Variants in N4BP3 observed in about 807,000 individuals in gnomAD.
N4BP3 encodes the protein NEDD4 binding protein 3, also known as NEDD4-binding protein 3.
Under a neutral mutation model 43.8 loss-of-function variants are expected in N4BP3, and 33 were observed. The ratio of observed to expected loss-of-function variants is 0.75; its 90% confidence interval spans 0.57 to 1.01. N4BP3 has a LOEUF of 1.01. Among genes scored for constraint, N4BP3 ranks in the 50% least tolerant of loss-of-function variants. The pLI, the probability that N4BP3 is intolerant of heterozygous loss-of-function variation, is 0.00. For missense variants in N4BP3, 756 were observed against 744.2 expected, an observed-to-expected ratio of 1.02 and a Z score of -0.18; for synonymous variants, 326 against 321.9, an observed-to-expected ratio of 1.01 and a Z score of -0.14.
rs761525573 is a variant in N4BP3, at chr5:178,120,218, A to T, written c.371A>T (p.Asn124Ile). The change falls in exon 3 of 5, where the codon AAC becomes ATC. Residue 124 changes from asparagine to isoleucine, a missense_variant. Physicochemically the swap from Asn to Ile is moderately radical, Grantham distance 149. Transcript: ENST00000274605. ...RPSVFKPTAG[N>I]GKGFLSMQSL... ...TCAGTGTTCAAGCCTACGGCGGGCAACGGGAAAGGCTTCCTATCCATGCAA... is the reference window on the plus strand; with the variant it reads ...TCAGTGTTCAAGCCTACGGCGGGCATCGGGAAAGGCTTCCTATCCATGCAA... 1 of 1,592,688 alleles carries T rather than the reference A, an allele frequency of 6.3e-7. No individual in the cohort carries two copies. The highest frequency in any genetic ancestry group is 2.3e-5 in the East Asian group (1 of 44,442).
chr5:178,126,419 C>T (rs572495863), downstream of N4BP3, among the ~76,000 whole-genome samples: 4 of 152,124 alleles, frequency 2.6e-5, no homozygotes, highest in South Asian at 8.3e-4. Flanking sequence ...ACCTCGTGAT[C>T]CACCCGCCTC....
At position 178,124,746 on chromosome 5, in the gene N4BP3, T is replaced by G. The variant is rs143566790; in HGVS notation, c.*2745T>G. 1 of 152,740 alleles carries G rather than the reference T, an allele frequency of 6.5e-6. No homozygotes were observed. The highest frequency in any genetic ancestry group is 1.5e-5 in the Non-Finnish European group (1 of 68,402). 9.5% of individuals were successfully genotyped at this position (152,740 alleles called of 1,614,324 possible). On this transcript the variant is annotated 3_prime_UTR_variant, in exon 5 of 5. Transcript: ENST00000274605. ...GCCTCGAGTCACTGATAGTGGTGCC[T>G]CCTCCTTACCTTGGCAAGCCCTTGT...
At position 178,118,420 on chromosome 5, in the gene N4BP3, G is replaced by T. The variant is rs1176780477; in HGVS notation, c.-30-1134G>T. Among the ~76,000 whole-genome samples, 3 of 152,214 alleles carry T rather than the reference G, an allele frequency of 2.0e-5. No individual in the cohort carries two copies. The highest frequency in any genetic ancestry group is 4.4e-5 in the Non-Finnish European group (3 of 68,040). ...TGTGCGGAAGTCCAGGCTCACTGAG[G>T]TTAGTGGCTTGGCCGGGGTCACACA... On this transcript the variant is annotated intron_variant, in intron 1 of 4. Coordinates refer to ENST00000274605, the MANE Select transcript of N4BP3 (RefSeq NM_015111.2). This position sits in a 1 kb window ranked among gnomAD's most constrained non-coding sequence, Gnocchi z 5.4.
intron 1 of N4BP3, among the ~76,000 whole-genome samples, chr5:178,116,955 G>C (rs1199748302): frequency 6.6e-6 from 1 of 152,154 alleles, no homozygotes; most frequent in African/African-American, 2.4e-5. Flanking sequence ...GGCAGGCGGG[G>C]TCTTTCCCAC....
intron 3 of N4BP3, 140 bp from the exon 4 acceptor site, chr5:178,120,958 A>G (rs1757905108): frequency 9.5e-7 from 1 of 1,048,290 alleles, no homozygotes; most frequent in African/African-American, 1.6e-5. Context: ...CCTGGAGGGC[A>G]TCCCGGGTTA....
At chr5:178,117,103 A>G (rs1757789515) in intron 1 of N4BP3, among the ~76,000 whole-genome samples, 1 of 152,192 alleles carries the variant, frequency 6.6e-6, no homozygotes, top group South Asian at 2.1e-4. Flanking sequence ...GTGAGCCACC[A>G]TGCCTGGCCC....
rs7727932 is a variant in N4BP3 at position 178,117,638 on chromosome 5, A to G, written c.-30-1916A>G. Among the ~76,000 whole-genome samples, 920 of 108,348 alleles carry G rather than the reference A, an allele frequency of 8.5e-3. 75 individuals are homozygous for G. Among genetic ancestry groups the G allele is most frequent in the African/African-American group, 0.011 (333 of 29,730 alleles). 71.1% of individuals were successfully genotyped at this position (108,348 alleles called of 152,430 possible). A position where few individuals can be genotyped will look rare whatever the true frequency, so the allele number is the denominator to read the frequency against. ...GTCTCAAAAAAAAAAAAAAAAAAAA[A>G]GAAGGGACAATAACTCTGTCACAGG... On this transcript the variant is annotated intron_variant, in intron 1 of 4. Coordinates refer to ENST00000274605, the MANE Select transcript of N4BP3 (RefSeq NM_015111.2).
chr5:178,126,526 TTGG>T (rs939309082), downstream of N4BP3, among the ~76,000 whole-genome samples: 6 of 152,106 alleles, frequency 3.9e-5, no homozygotes, highest in East Asian at 3.9e-4. Context: ...TCCTAGGAAA[TTGG>T]TGGTGGGGCT....
At position 178,124,437 on chromosome 5, in the gene N4BP3, A is replaced by G. The variant is rs1259365080; in HGVS notation, c.*2436A>G. The G allele has an allele frequency of 1.3e-5, 2 of 152,312 alleles. No homozygotes were observed. The highest frequency in any genetic ancestry group is 2.9e-5 in the Non-Finnish European group (2 of 68,080). 9.4% of individuals were successfully genotyped at this position (152,312 alleles called of 1,614,324 possible). On this transcript the variant is annotated 3_prime_UTR_variant, in exon 5 of 5. Coordinates refer to ENST00000274605, the MANE Select transcript of N4BP3 (RefSeq NM_015111.2). Reference sequence around the variant, plus strand: ...GGCTGGGTGGCTCTGGGGCCAACCGACCACAGGTGTCACTGATCACAGGTG... The same window carrying G: ...GGCTGGGTGGCTCTGGGGCCAACCGGCCACAGGTGTCACTGATCACAGGTG...
chr5:178,121,326 C>T lies in N4BP3; in HGVS notation c.1081C>T (p.Arg361Ter). 6.2e-7 allele frequency: 1 copy of T among 1,602,242 alleles called. No homozygotes were observed. Among genetic ancestry groups the T allele is most frequent in the Non-Finnish European group, 8.5e-7 (1 of 1,172,954 alleles). Reference protein sequence around the residue: ...GTLPEADPSARPEEEARWEVC... With the variant: ...GTLPEADPSA ...CCTCCCAGAGGCTGACCCCAGTGCA[C>T]GACCAGAGGAGGAAGCCCGATGGGA... Residue 361 changes from arginine to a stop codon, truncating the protein, a stop_gained, in exon 4 of 5, where the codon CGA (arginine) becomes TGA (stop). Transcript: ENST00000274605. LOFTEE classifies it high-confidence loss of function.
chr5:178,119,799 C>A lies in N4BP3; in HGVS notation c.216C>A (p.Thr72=). 1 of 1,613,474 alleles carries A rather than the reference C, an allele frequency of 6.2e-7. No individual in the cohort carries two copies. The highest frequency in any genetic ancestry group is 8.5e-7 in the Non-Finnish European group (1 of 1,180,032). Residue 72 remains threonine (T), a synonymous_variant, in exon 2 of 5, where the codon ACC becomes ACA. Coordinates refer to ENST00000274605, the MANE Select transcript of N4BP3 (RefSeq NM_015111.2). ...PKKDSKSTKN[T]KRAPRNEPAD... is the part of the protein sequence containing the mutation. ...AGGACAGCAAGAGCACCAAGAACAC[C>A]AAGCGGGCCCCTCGGAACGAGCCTG...
chr5:178,118,201 G>A lies in N4BP3; in HGVS notation c.-30-1353G>A, dbSNP rs1357969041. On this transcript the variant is annotated intron_variant, in intron 1 of 4. Transcript: ENST00000274605. This position sits in a 1 kb window ranked among gnomAD's most constrained non-coding sequence, Gnocchi z 5.4. ...TAGGTACCAGCCCTGCCTCCAGAGTGTGTGGCCCAGCACAGGTGGAAGGTG... is the reference window on the plus strand; with the variant it reads ...TAGGTACCAGCCCTGCCTCCAGAGTATGTGGCCCAGCACAGGTGGAAGGTG... 4.6e-5 allele frequency among the ~76,000 whole-genome samples: 7 copies of A among 152,354 alleles called. No homozygotes were observed. The East Asian group carries it at 1.2e-3, about 25-fold the overall frequency.
intron 1 of N4BP3, among the ~76,000 whole-genome samples, chr5:178,115,769 G>A (rs1235331254): frequency 1.4e-4 from 22 of 152,182 alleles, no homozygotes; most frequent in Admixed American, 1.3e-3. Context: ...AAGAAAGCGC[G>A]TCCTCTCCTT....
At position 178,123,146 on chromosome 5, in the gene N4BP3, C is replaced by T. The variant is rs1462618662; in HGVS notation, c.*1145C>T. The T allele has an allele frequency of 2.6e-5, 4 of 152,418 alleles. No homozygotes were observed. Among genetic ancestry groups the T allele is most frequent in the African/African-American group, 9.6e-5 (4 of 41,478 alleles). 9.4% of individuals were successfully genotyped at this position (152,418 alleles called of 1,614,324 possible). On this transcript the variant is annotated 3_prime_UTR_variant, in exon 5 of 5. Coordinates refer to ENST00000274605, the MANE Select transcript of N4BP3 (RefSeq NM_015111.2). The stretch of plus-strand genomic sequence containing the variant: ...TAAAACCCACACCTGCCTTTGGTCT[C>T]TCAGAGGCCTGGCTTGCCCTCTGGG...
rs141949620 is a variant in N4BP3 at position 178,120,558 on chromosome 5, G to A, written c.711G>A (p.Val237=). The change falls in exon 3 of 5, where the codon GTG becomes GTA. Residue 237 remains valine, a synonymous_variant. Transcript: ENST00000274605. ...CCAAGGAGGCTGGGCCACCAGCTGT[G>A]CTGAGCTGCCTGCCCGAGCCACCAC... is the stretch of plus-strand genomic sequence containing the variant. The part of the protein sequence containing the change: ...QGPKEAGPPA[V]LSCLPEPPPP... 4 of 1,613,036 alleles carry A rather than the reference G, an allele frequency of 2.5e-6. No individual in the cohort carries two copies. The highest frequency in any genetic ancestry group is 1.7e-6 in the Non-Finnish European group (2 of 1,180,016).
Position 178,113,636 on chromosome 5 carries a change from TGCCGCTCC to T in N4BP3, c.-156_-149del, listed in dbSNP as rs1190881770. The T allele has an allele frequency of 4.0e-5, 6 of 151,822 alleles. No homozygotes were observed. The highest frequency in any genetic ancestry group is 1.5e-4 in the African/African-American group (6 of 41,350). 9.4% of individuals were successfully genotyped at this position (151,822 alleles called of 1,614,324 possible). On this transcript the variant is annotated 5_prime_UTR_variant, in exon 1 of 5. Transcript: ENST00000274605. Reference sequence around the variant, plus strand: ...CGCCCGCCCGCGTTTTCCCGGCGCCTGCCGCTCCGCCGCTCCGACCCGGCACGCAGTCC... The same window carrying T: ...CGCCCGCCCGCGTTTTCCCGGCGCCTGCCGCTCCGACCCGGCACGCAGTCC...
chr5:178,121,191 G>A lies in N4BP3; in HGVS notation c.946G>A (p.Glu316Lys), dbSNP rs567308395. Residue 316 changes from glutamate (E) to lysine (K), a missense_variant, in exon 4 of 5, where the codon GAG becomes AAG. Transcript: ENST00000274605. Reference protein sequence around the residue: ...HEVTQKAERSERNLQLQLFMA... With the variant: ...HEVTQKAERSKRNLQLQLFMA... Reference sequence around the variant, plus strand: ...GGTGACCCAGAAGGCTGAGCGCAGCGAGCGCAACCTCCAGCTGCAGCTGTT... The same window carrying A: ...GGTGACCCAGAAGGCTGAGCGCAGCAAGCGCAACCTCCAGCTGCAGCTGTT... 4 of 1,601,718 alleles carry A rather than the reference G, an allele frequency of 2.5e-6. No homozygotes were observed. The highest frequency in any genetic ancestry group is 1.7e-5 in the Admixed American group (1 of 58,608).
At position 178,118,243 on chromosome 5, in the gene N4BP3, C is replaced by T. The variant is rs1184158320; in HGVS notation, c.-30-1311C>T. ...TGGAAGGTGGTCCGTCAGCCTAGTCCCTTGGTGATGTTTGTGTGCCTGGCT... is the reference window on the plus strand; with the variant it reads ...TGGAAGGTGGTCCGTCAGCCTAGTCTCTTGGTGATGTTTGTGTGCCTGGCT... On this transcript the variant is annotated intron_variant, in intron 1 of 4. Coordinates refer to ENST00000274605, the MANE Select transcript of N4BP3 (RefSeq NM_015111.2). The surrounding 1 kb of genome is among the most constrained non-coding windows in gnomAD (Gnocchi z 5.4). Among the ~76,000 whole-genome samples the T allele has an allele frequency of 6.6e-6, 1 of 152,172 alleles. No individual in the cohort carries two copies. The highest frequency in any genetic ancestry group is 6.5e-5 in the Admixed American group (1 of 15,288).
chr5:178,121,009 G>A (rs547711750), intron 3 of N4BP3, 89 bp from the exon 4 acceptor site: 2 of 1,493,100 alleles, frequency 1.3e-6, no homozygotes, highest in East Asian at 2.3e-5. Flanking sequence ...AGGGGCACAG[G>A]ATATGATCAG....
Sources: gnomAD v4.1 joint callset for allele counts (sites outside exome capture counted in the v4.1 genomes callset) on GRCh38, gnomAD v4.1.1 for gene constraint, Gnocchi (gnomAD v3.1) non-coding constraint, MANE v1.5 for transcripts, NCBI Gene and HGNC (gene_info 2026-07-23, HGNC 2026-07-21) for gene names.